PCDHGB3: variants seen among roughly 807,000 people sequenced by gnomAD.
PCDHGB3 encodes the protein protocadherin gamma-B3.
PCDHGB3 carries 40 observed loss-of-function variants against 59.2 expected under a neutral mutation model. The observed-to-expected ratio is 0.68, with a 90% CI of 0.52 to 0.88. PCDHGB3 has a LOEUF of 0.88. Ranked by LOEUF, PCDHGB3 falls within the 40% of genes least tolerant of loss-of-function variation. PCDHGB3 has a pLI of 0.00. For synonymous variants in PCDHGB3, 581 were observed against 503.6 expected (o/e 1.15, Z -2.06); for missense variants, 1,309 against 1,187.9 (o/e 1.10, Z -1.50).
At chr5:141,390,012 G>A (rs370865188) in intron 1 of PCDHGB3, 2 of 1,614,034 alleles carry the variant, frequency 1.2e-6, no homozygotes, top group South Asian at 2.2e-5. Context: ...TCTGGCCATT[G>A]CCTTGCGCCT....
intron 1 of PCDHGB3, chr5:141,422,092 G>T: frequency 6.2e-7 from 1 of 1,611,520 alleles, no homozygotes; most frequent in Non-Finnish European, 8.5e-7. Context: ...GGAAAGCAAG[G>T]CTTCTGAAAT....
rs371964437 is a variant in PCDHGB3, at chr5:141,511,404, C to T, written c.*231C>T. On this transcript the variant is annotated 3_prime_UTR_variant, in exon 4 of 4. Coordinates refer to ENST00000576222, the MANE Select transcript of PCDHGB3 (RefSeq NM_018924.5). ...CCGCTGGGAACCCCCATCCAATCAA[C>T]TGCTGTACCCATGGGGGTAGTGGGG... The T allele has an allele frequency of 7.7e-5, 73 of 947,014 alleles. No individual in the cohort carries two copies. In the East Asian group the frequency reaches 1.8e-3, roughly 23 times the overall value. The allele number at this position is 947,014 out of a possible 1,614,324, so 58.7% of individuals were successfully genotyped here.
chr5:141,410,631 C>CT (rs768462511), intron 1 of PCDHGB3: 26 of 1,600,818 alleles, frequency 1.6e-5, no homozygotes, highest in Non-Finnish European at 2.2e-5. Context: ...GTGAGTTTCT[C>CT]TTTTTTGTGT....
intron 1 of PCDHGB3, chr5:141,384,799 G>T (rs1342288929): frequency 6.2e-7 from 1 of 1,613,476 alleles, no homozygotes; most frequent in South Asian, 1.1e-5. Flanking sequence ...GGCCCTGCTG[G>T]ACAGAGATGC....
At chr5:141,424,762 A>T (rs1002777641) in intron 1 of PCDHGB3, 8 of 152,124 alleles carry the variant, frequency 5.3e-5, no homozygotes, top group African/African-American at 1.9e-4. Context: ...GGTCATTCTT[A>T]TGGCAAATAG....
intron 2 of PCDHGB3, among the ~76,000 whole-genome samples, chr5:141,500,901 G>A (rs984072329): frequency 7.6e-5 from 11 of 144,582 alleles, no homozygotes; most frequent in African/African-American, 2.6e-4. Flanking sequence ...AGACAGTCTC[G>A]CTCTGTCTCC....
Position 141,485,263 on chromosome 5 carries a change from G to A in PCDHGB3, c.2416-9544G>A. 1 of 1,614,162 alleles carries A rather than the reference G, an allele frequency of 6.2e-7. No individual in the cohort carries two copies. On this transcript the variant is annotated intron_variant, in intron 1 of 3. Transcript: ENST00000576222. This position sits in a 1 kb window ranked among gnomAD's most constrained non-coding sequence, Gnocchi z 5.7. ...ACCACCTGGGTTACGTTTGTGGGCA[G>A]ATCCGCTACCCGGTCCCAGAGGAGT...
chr5:141,441,623 C>T (rs530409184), intron 1 of PCDHGB3: 2 of 224,422 alleles, frequency 8.9e-6, no homozygotes, highest in Non-Finnish European at 1.8e-5. Flanking sequence ...TGGCCAGTGA[C>T]CTGGAGCCAC....
chr5:141,450,908 G>A (rs1248622378), intron 1 of PCDHGB3, among the ~76,000 whole-genome samples: 12 of 147,640 alleles, frequency 8.1e-5, no homozygotes, highest in East Asian at 6.0e-4. Flanking sequence ...CACTGCAACC[G>A]CTGCCTCCCA....
chr5:141,399,584 C>A (rs765946308), intron 1 of PCDHGB3: 34 of 1,613,904 alleles, frequency 2.1e-5, no homozygotes, highest in Non-Finnish European at 2.6e-5. Context: ...GTCTCCTACT[C>A]TATCATGGCC....
Position 141,486,638 on chromosome 5 carries a change from C to T in PCDHGB3, c.2416-8169C>T, listed in dbSNP as rs753730551. 5.6e-6 allele frequency: 9 copies of T among 1,613,700 alleles called. No homozygotes were observed. In the East Asian group the frequency reaches 8.9e-5, roughly 16 times the overall value. On this transcript the variant is annotated intron_variant, in intron 1 of 3. Coordinates refer to ENST00000576222, the MANE Select transcript of PCDHGB3 (RefSeq NM_018924.5). This position sits in a 1 kb window ranked among gnomAD's most constrained non-coding sequence, Gnocchi z 5.0. The stretch of plus-strand genomic sequence containing the variant: ...TGACCCAGACTCTGGCTTGAATGCG[C>T]TTATCTCCTACTCACTCCTGGAGCC...
intron 1 of PCDHGB3, among the ~76,000 whole-genome samples, chr5:141,402,671 G>A (rs1016182752): frequency 2.0e-5 from 3 of 152,140 alleles, no homozygotes; most frequent in Admixed American, 2.0e-4. Flanking sequence ...TTCTTTATCA[G>A]CCATCTGATA....
chr5:141,372,180 G>C lies in PCDHGB3; in HGVS notation c.1786G>C (p.Ala596Pro). The change falls in exon 1 of 4, where the codon GCA becomes CCA. Residue 596 changes from alanine to proline, a missense_variant. Physicochemically the swap from Ala to Pro is conservative, Grantham distance 27. Transcript: ENST00000576222. ...GGTGACCAAGGTGGTGGCGGTGGAC[G>C]CAGACTCGGGATACAACGCCTGGCT... ...YLVTKVVAVD[A>P]DSGYNAWLSY... The C allele has an allele frequency of 6.2e-7, 1 of 1,613,652 alleles. No individual in the cohort carries two copies. Among genetic ancestry groups the C allele is most frequent in the South Asian group, 1.1e-5 (1 of 91,086 alleles).
Position 141,371,573 on chromosome 5 carries a change from A to G in PCDHGB3, c.1179A>G (p.Lys393=). ...LCQLKGNFPF[K]IVQDTKNTYR... is the part of the protein sequence containing the mutation. ...AACTAAAAGGAAACTTCCCCTTTAA[A>G]ATCGTTCAAGATACCAAAAACACAT... The change falls in exon 1 of 4, where the codon AAA becomes AAG. Residue 393 remains lysine (K), a synonymous_variant. Transcript: ENST00000576222. The G allele has an allele frequency of 6.2e-7, 1 of 1,613,948 alleles. No homozygotes were observed. The highest frequency in any genetic ancestry group is 8.5e-7 in the Non-Finnish European group (1 of 1,179,832).
intron 1 of PCDHGB3, among the ~76,000 whole-genome samples, chr5:141,434,571 T>C (rs2154556263): frequency 6.6e-6 from 1 of 152,374 alleles, no homozygotes; most frequent in South Asian, 2.1e-4. Flanking sequence ...GACATGCCCC[T>C]GCTGCAGATA....
chr5:141,459,044 A>T (rs2098959649), intron 1 of PCDHGB3, among the ~76,000 whole-genome samples: 1 of 152,204 alleles, frequency 6.6e-6, no homozygotes, highest in Non-Finnish European at 1.5e-5. Flanking sequence ...TACCAGCTAT[A>T]TTGAAGTATA....
At chr5:141,418,848 G>C (rs770294020) in intron 1 of PCDHGB3, 1 of 1,613,836 alleles carries the variant, frequency 6.2e-7, no homozygotes, top group Non-Finnish European at 8.5e-7. Flanking sequence ...CTCTCAACAC[G>C]GTGTAAAGTA....
intron 1 of PCDHGB3, chr5:141,410,848 T>TA: frequency 1.9e-5 from 7 of 365,918 alleles, no homozygotes; most frequent in Non-Finnish European, 3.2e-5. Context: ...TTTGTCTTTG[T>TA]CTTTTTTTTT....
chr5:141,370,357 C>G lies in PCDHGB3; in HGVS notation c.-38C>G. The G allele has an allele frequency of 1.3e-6, 2 of 1,511,536 alleles. No individual in the cohort carries two copies. Among genetic ancestry groups the G allele is most frequent in the East Asian group, 2.3e-5 (1 of 44,082 alleles). 93.6% of individuals were successfully genotyped at this position (1,511,536 alleles called of 1,614,324 possible). On this transcript the variant is annotated 5_prime_UTR_variant, in exon 1 of 4. Transcript: ENST00000576222. Reference sequence around the variant, plus strand: ...TCTTGGGATTATTTAAAGATCTCCTCTCCTCGGATTTAGAAAGGCAAAGGC... The same window carrying G: ...TCTTGGGATTATTTAAAGATCTCCTGTCCTCGGATTTAGAAAGGCAAAGGC...
Sources: allele counts gnomAD v4.1 joint callset (sites outside exome capture counted in the v4.1 genomes callset), GRCh38; gene constraint gnomAD v4.1.1; non-coding constraint Gnocchi (gnomAD v3.1); transcripts MANE v1.5; gene names NCBI Gene and HGNC (gene_info 2026-07-23, HGNC 2026-07-21).